The following AFF1 variants were observed in gnomAD, a reference collection of about 807,000 sequenced individuals.
AFF1 encodes AF4/FMR2 family member 1.
Under a neutral mutation model 121.7 loss-of-function variants are expected in AFF1, and 48 were observed. The observed-to-expected ratio is 0.39, with a 90% confidence interval of 0.31 to 0.50. The LOEUF (loss-of-function observed/expected upper bound fraction) is 0.50, where lower values mean the gene tolerates loss of function less well. Ranked by LOEUF, AFF1 falls within the 20% of genes least tolerant of loss-of-function variation. The pLI is 0.76. For missense variants in AFF1, 1,523 were observed against 1,511.7 expected (o/e 1.01, Z -0.12); for synonymous variants, 613 against 563.0 (o/e 1.09, Z -1.26).
chr4:87,134,706 G>T lies in AFF1; in HGVS notation c.3535+12G>T. 1 of 1,599,356 alleles carries T rather than the reference G, an allele frequency of 6.3e-7. No individual in the cohort carries two copies. Among genetic ancestry groups the T allele is most frequent in the Non-Finnish European group, 8.6e-7 (1 of 1,168,354 alleles). On this transcript the variant is annotated intron_variant, in intron 20 of 20. Coordinates refer to ENST00000395146, the MANE Select transcript of AFF1 (RefSeq NM_001166693.3). ...GAGGAAGAATAAAGGTAAATAAATGGCTTTGTGGTGGTAATTACTGGGGTG... is the reference window on the plus strand; with the variant it reads ...GAGGAAGAATAAAGGTAAATAAATGTCTTTGTGGTGGTAATTACTGGGGTG...
At chr4:87,021,777 T>C (rs1043893853) in intron 2 of AFF1, among the ~76,000 whole-genome samples, 2 of 152,254 alleles carry the variant, frequency 1.3e-5, no homozygotes, top group Admixed American at 6.5e-5. Context: ...ACTTATTCTT[T>C]ATGTGTGTTT....
chr4:87,056,707 GGAAA>G (rs1486477631), intron 4 of AFF1, among the ~76,000 whole-genome samples: 53 of 152,230 alleles, frequency 3.5e-4, no homozygotes, highest in African/African-American at 1.3e-3. Flanking sequence ...GGAGCTAATA[GGAAA>G]GAAAGACACA....
chr4:86,958,102 T>C (rs1282618751), intron 2 of AFF1, among the ~76,000 whole-genome samples: 2 of 145,728 alleles, frequency 1.4e-5, no homozygotes, highest in Non-Finnish European at 3.0e-5. Flanking sequence ...TTTTTTTTTT[T>C]TTTTTTTTGA....
At chr4:87,001,832 C>T (rs540622132) in intron 2 of AFF1, among the ~76,000 whole-genome samples, 1 of 152,278 alleles carries the variant, frequency 6.6e-6, no homozygotes, top group South Asian at 2.1e-4. Flanking sequence ...TTATCTCCTC[C>T]CTCTTCCTGT....
intron 2 of AFF1, among the ~76,000 whole-genome samples, chr4:86,970,551 G>A (rs940348187): frequency 1.3e-5 from 2 of 152,186 alleles, no homozygotes; most frequent in African/African-American, 4.8e-5. Context: ...ACAAGACAAA[G>A]GAGATCCTGC....
intron 8 of AFF1, among the ~76,000 whole-genome samples, chr4:87,105,056 A>G (rs1018458621): frequency 6.6e-6 from 1 of 152,222 alleles, no homozygotes; most frequent in Non-Finnish European, 1.5e-5. Context: ...CTGTTGGGTG[A>G]TGTTTGCCTT....
intron 7 of AFF1, among the ~76,000 whole-genome samples, chr4:87,094,677 G>A (rs536649091): frequency 5.9e-5 from 9 of 152,318 alleles, no homozygotes; most frequent in South Asian, 2.1e-4. Flanking sequence ...AGTTCCTGGC[G>A]TCATAGGTAG....
Position 87,138,147 on chromosome 4 carries a change from A to G in AFF1, c.*2446A>G. 1 of 232,092 alleles carries G rather than the reference A, an allele frequency of 4.3e-6. No individual in the cohort carries two copies. The highest frequency in any genetic ancestry group is 8.5e-6 in the Non-Finnish European group (1 of 117,440). The allele number at this position is 232,092 out of a possible 1,614,324, so 14.4% of individuals were successfully genotyped here. A position where few individuals can be genotyped will look rare whatever the true frequency, so the allele number is the denominator to read the frequency against. Reference sequence around the variant, plus strand: ...ATTGGATATTTCTGATCCTTATTGCATTGTACCTAAAGGAGAGTAACTAAT... The same window carrying G: ...ATTGGATATTTCTGATCCTTATTGCGTTGTACCTAAAGGAGAGTAACTAAT... On this transcript the variant is annotated 3_prime_UTR_variant, in exon 21 of 21. Transcript: ENST00000395146.
intron 4 of AFF1, among the ~76,000 whole-genome samples, chr4:87,054,426 C>T (rs577117330): frequency 6.6e-6 from 1 of 152,334 alleles, no homozygotes; most frequent in East Asian, 1.9e-4. Flanking sequence ...AGACTCTCCT[C>T]CTCTTTTCCT....
chr4:87,133,159 G>T (rs1728992452), intron 19 of AFF1, among the ~76,000 whole-genome samples: 1 of 152,172 alleles, frequency 6.6e-6, no homozygotes, highest in Admixed American at 6.5e-5. Context: ...GCAATACTAA[G>T]AATGAAAATG....
chr4:86,996,454 C>T (rs899629780), intron 2 of AFF1, among the ~76,000 whole-genome samples: 2 of 151,828 alleles, frequency 1.3e-5, no homozygotes, highest in Non-Finnish European at 2.9e-5. Flanking sequence ...GAAACATGTG[C>T]TGTATCCACT....
intron 2 of AFF1, among the ~76,000 whole-genome samples, chr4:86,984,321 A>ATTTTTTTTTTTTTTTTT (rs1165178647): frequency 7.6e-6 from 1 of 132,256 alleles, no homozygotes. Context: ...TCCAAGTGAC[A>ATTTTTTTTTTTTTTTTT]TTTTTTTTTC....
At position 86,964,065 on chromosome 4, in the gene AFF1, G is replaced by T. The variant is rs188925478; in HGVS notation, c.38+15494G>T. ...ACTCCTGGCCTCAAGCAGTCCTCCT[G>T]CCTCGGCCTCCCAAAGTGCTGGGAT... On this transcript the variant is annotated intron_variant, in intron 2 of 20. Coordinates refer to ENST00000395146, the MANE Select transcript of AFF1 (RefSeq NM_001166693.3). 4.2e-4 allele frequency among the ~76,000 whole-genome samples: 61 copies of T among 145,682 alleles called. No homozygotes were observed. In the East Asian group the frequency reaches 0.01, roughly 24 times the overall value.
intron 8 of AFF1, among the ~76,000 whole-genome samples, chr4:87,098,723 T>G (rs914124947): frequency 1.3e-5 from 2 of 152,210 alleles, no homozygotes; most frequent in Admixed American, 1.3e-4. Context: ...TTACTTAAAA[T>G]AAGAGACAGA....
Position 87,094,935 on chromosome 4 carries a change from A to G in AFF1, c.1249A>G (p.Lys417Glu), listed in dbSNP as rs1379716301. Residue 417 changes from lysine to glutamate, a missense_variant, in exon 8 of 21, where the codon AAA (lysine) becomes GAA (glutamate). By Grantham distance (56) the Lys-to-Glu change is moderately conservative. This residue lies in a region of AFF1 where 905 missense variants were observed against 842.5 expected (regional missense o/e 1.07). Transcript: ENST00000395146. ...CACAGAACAATATGATACATCTTCA[A>G]AAACTCACTCAAATTCTCAGCAAGG... ...QNQKQYDTSS[K>E]THSNSQQGTS... 1.2e-6 allele frequency: 2 copies of G among 1,613,864 alleles called. No individual in the cohort carries two copies. Among genetic ancestry groups the G allele is most frequent in the Non-Finnish European group, 1.7e-6 (2 of 1,179,850 alleles).
chr4:86,948,440 T>TATCCCTGAATTTACTC (rs1392279976), intron 1 of AFF1, 58 bp from the exon 2 acceptor site: 1 of 1,175,598 alleles, frequency 8.5e-7, no homozygotes, highest in African/African-American at 1.5e-5. Flanking sequence ...AGGTCATGCG[T>TATCCCTGAATTTACTC]ATCCCTGAAT....
At chr4:87,021,301 T>C (rs1727875480) in intron 2 of AFF1, among the ~76,000 whole-genome samples, 2 of 152,208 alleles carry the variant, frequency 1.3e-5, no homozygotes. Flanking sequence ...TGGGAAAGGC[T>C]AAAGTAGAGG....
At chr4:87,060,566 C>T (rs1459008966) in intron 4 of AFF1, among the ~76,000 whole-genome samples, 1 of 152,078 alleles carries the variant, frequency 6.6e-6, no homozygotes, top group Non-Finnish European at 1.5e-5. Flanking sequence ...GGGCCAGGCA[C>T]GGTGGCTGAC....
At chr4:87,120,557 T>G (rs1727582636) in intron 12 of AFF1, among the ~76,000 whole-genome samples, 1 of 152,210 alleles carries the variant, frequency 6.6e-6, no homozygotes, top group South Asian at 2.1e-4. Context: ...GCTTTCCTCT[T>G]TTTCACATGT....
Sources: gnomAD v4.1 joint callset for allele counts (sites outside exome capture counted in the v4.1 genomes callset) on GRCh38, gnomAD v4.1.1 for gene constraint, gnomAD v4.1.1 regional missense constraint, MANE v1.5 for transcripts, NCBI Gene and HGNC (gene_info 2026-07-23, HGNC 2026-07-21) for gene names.